The following SLC44A5 variants were observed in gnomAD, a reference collection of about 807,000 sequenced individuals.
SLC44A5 encodes choline transporter-like protein 5.
A neutral mutation model predicts 101.8 loss-of-function variants in SLC44A5; 57 were observed. That is an observed-to-expected ratio of 0.56 (90% CI 0.45 to 0.70). The LOEUF is 0.70. Among genes scored for constraint, SLC44A5 ranks in the 30% least tolerant of loss-of-function variants. SLC44A5 has a pLI of 0.00. For synonymous variants in SLC44A5, 281 were observed against 290.9 expected, an observed-to-expected ratio of 0.97 and a Z score of 0.35; for missense variants, 737 against 853.1, an observed-to-expected ratio of 0.86 and a Z score of 1.70.
chr1:75,466,647 T>C (rs951251353), intron 2 of SLC44A5, among the ~76,000 whole-genome samples: 2 of 123,506 alleles, frequency 1.6e-5, no homozygotes, highest in African/African-American at 6.6e-5. Context: ...CAGTTCAAGA[T>C]GCCATCTTAA....
At chr1:75,697,194 G>A in the SLC44A5 span, among the ~76,000 whole-genome samples, 1 of 152,162 alleles carries the variant, frequency 6.6e-6, no homozygotes, top group Non-Finnish European at 1.5e-5. Context: ...GACTGCTTGA[G>A]GTCAGGAGTT....
chr1:75,320,893 G>A (rs911376720), intron 4 of SLC44A5, among the ~76,000 whole-genome samples: 3 of 152,066 alleles, frequency 2.0e-5, no homozygotes, highest in Non-Finnish European at 4.4e-5. Flanking sequence ...GCACAAATAA[G>A]CTACTGATAC....
chr1:75,598,220 A>C (rs211687), intron 1 of SLC44A5, among the ~76,000 whole-genome samples: 102,460 of 151,924 alleles, frequency 0.67, 34,915 homozygotes, highest in East Asian at 0.84. Context: ...AAATGCAAAT[A>C]AAAACTACAA....
Position 75,250,247 on chromosome 1 carries a change from G to A in SLC44A5, c.345+963C>T, listed in dbSNP as rs555015500. ...AGCTGTCACTTATAAGTGAGAACAC[G>A]TGGCATTTGGTTTTCTGTTCCTGTT... On this transcript the variant is annotated intron_variant, in intron 7 of 23. Coordinates refer to ENST00000370859, the MANE Select transcript of SLC44A5 (RefSeq NM_001130058.2). 9.2e-5 allele frequency among the ~76,000 whole-genome samples: 14 copies of A among 152,118 alleles called. No homozygotes were observed. In the South Asian group the frequency reaches 2.7e-3, roughly 29 times the overall value.
At chr1:75,435,425 G>A (rs1300799387) in intron 2 of SLC44A5, among the ~76,000 whole-genome samples, 2 of 152,200 alleles carry the variant, frequency 1.3e-5, no homozygotes, top group East Asian at 3.9e-4. Flanking sequence ...CCCTTGGGGG[G>A]AAAAAGGAGC....
At chr1:75,477,164 C>A (rs1490892998) in intron 2 of SLC44A5, among the ~76,000 whole-genome samples, 6 of 152,190 alleles carry the variant, frequency 3.9e-5, no homozygotes, top group African/African-American at 1.4e-4. Flanking sequence ...GGACCCCTAG[C>A]AAACTCCAAC....
intron 2 of SLC44A5, among the ~76,000 whole-genome samples, chr1:75,431,717 CA>C (rs527712628): frequency 2.6e-5 from 4 of 152,008 alleles, no homozygotes; most frequent in African/African-American, 9.6e-5. Flanking sequence ...AATTCATGTC[CA>C]ATGAGAAATA....
At chr1:75,224,246 A>C (rs1327206417) in intron 13 of SLC44A5, among the ~76,000 whole-genome samples, 2 of 152,252 alleles carry the variant, frequency 1.3e-5, no homozygotes, top group Non-Finnish European at 2.9e-5. Context: ...GTCATATAAA[A>C]GTACAGCACA....
intron 2 of SLC44A5, chr1:75,522,354 T>C (rs1319837510): frequency 3.4e-5 from 1 of 29,820 alleles, no homozygotes; most frequent in Non-Finnish European, 9.3e-5. Context: ...CAGGACTTTT[T>C]TTTAAAAAAA....
At chr1:75,339,681 A>G (rs1657718999) in intron 3 of SLC44A5, 51 bp from the exon 4 acceptor site, 18 of 1,461,582 alleles carry the variant, frequency 1.2e-5, no homozygotes, top group Non-Finnish European at 1.6e-5. Flanking sequence ...AAATAAATTA[A>G]TATAAAATAT....
intron 1 of SLC44A5, among the ~76,000 whole-genome samples, chr1:75,560,827 TGAC>T (rs1321122091): frequency 1.3e-5 from 2 of 152,200 alleles, no homozygotes; most frequent in Non-Finnish European, 2.9e-5. Flanking sequence ...GCAAATCAGT[TGAC>T]ATTTTACTCA....
Position 75,211,565 on chromosome 1 carries a change from G to A in SLC44A5, c.1963-13C>T. On this transcript the variant is annotated splice_polypyrimidine_tract_variant and intron_variant, in intron 22 of 23. Coordinates refer to ENST00000370859, the MANE Select transcript of SLC44A5 (RefSeq NM_001130058.2). ...CAAAAATGACTGTCTGTAAATGGAT[G>A]AAGAAGAGAACCAACATGTCATTTA... The A allele has an allele frequency of 6.4e-7, 1 of 1,574,172 alleles. No homozygotes were observed. Among genetic ancestry groups the A allele is most frequent in the Non-Finnish European group, 8.7e-7 (1 of 1,144,768 alleles).
intron 3 of SLC44A5, among the ~76,000 whole-genome samples, chr1:75,347,628 G>A (rs72682092): frequency 3.3e-5 from 5 of 152,116 alleles, no homozygotes; most frequent in Non-Finnish European, 5.9e-5. Flanking sequence ...GAGAGAGAGA[G>A]AAAGAGACAG....
intron 2 of SLC44A5, among the ~76,000 whole-genome samples, chr1:75,440,111 GA>G (rs1314786301): frequency 6.6e-6 from 1 of 151,964 alleles, no homozygotes; most frequent in African/African-American, 2.4e-5. Context: ...GTCAGAAACA[GA>G]AAAAAATTGC....
At chr1:75,580,993 CCTA>C (rs1196714085) in intron 1 of SLC44A5, among the ~76,000 whole-genome samples, 1 of 152,048 alleles carries the variant, frequency 6.6e-6, no homozygotes, top group East Asian at 1.9e-4. Flanking sequence ...TTCTCAGATA[CCTA>C]CTATCCATAA....
chr1:75,512,548 G>C (rs747424151), intron 2 of SLC44A5, among the ~76,000 whole-genome samples: 1 of 152,184 alleles, frequency 6.6e-6, no homozygotes, highest in Admixed American at 6.5e-5. Context: ...TTTGGTGTCA[G>C]ACACAGTGTA....
chr1:75,438,333 C>A (rs1366105098), intron 2 of SLC44A5, among the ~76,000 whole-genome samples: 1 of 152,062 alleles, frequency 6.6e-6, no homozygotes, highest in African/African-American at 2.4e-5. Context: ...AAATGGCAAA[C>A]TAGAGTTTCT....
At chr1:75,381,242 G>A (rs2101246836) in intron 3 of SLC44A5, among the ~76,000 whole-genome samples, 1 of 52,200 alleles carries the variant, frequency 1.9e-5, no homozygotes, top group Middle Eastern at 6.2e-3. Context: ...GCACCTCGAG[G>A]TCAATTCTAC....
the SLC44A5 span, among the ~76,000 whole-genome samples, chr1:75,711,173 C>T: frequency 8.0e-3 from 1,217 of 152,292 alleles, 5 homozygotes; most frequent in Non-Finnish European, 0.012. Context: ...GAATTGACTT[C>T]TGTTAGGTCA....
Sources: gnomAD v4.1 joint callset for allele counts (sites outside exome capture counted in the v4.1 genomes callset) on GRCh38, gnomAD v4.1.1 for gene constraint, MANE v1.5 for transcripts, NCBI Gene and HGNC (gene_info 2026-07-23, HGNC 2026-07-21) for gene names.